The following WWOX variants were observed in gnomAD, a reference collection of about 807,000 sequenced individuals.
The protein encoded by WWOX is WW domain containing oxidoreductase, also known as WW domain-containing oxidoreductase.
WWOX carries 69 observed loss-of-function variants against 46.2 expected under a neutral mutation model. That is an observed-to-expected ratio of 1.49 (90% CI 1.23 to 1.82). WWOX has a LOEUF of 1.82. WWOX is among the 40% of genes most tolerant of loss of function. The pLI, the probability that WWOX is intolerant of heterozygous loss-of-function variation, is 0.00. For synonymous variants in WWOX, 359 were observed against 202.6 expected, an observed-to-expected ratio of 1.77 and a Z score of -6.56; for missense variants, 919 against 542.6, an observed-to-expected ratio of 1.69 and a Z score of -6.89.
chr16:78,644,483 CAG>C (rs1055221098), intron 8 of WWOX, among the ~76,000 whole-genome samples: 27 of 151,518 alleles, frequency 1.8e-4, no homozygotes, highest in Non-Finnish European at 3.8e-4. Context: ...CTTTTTGAGA[CAG>C]AGTTTTGCTC....
At chr16:78,852,770 A>G (rs1445016953) in intron 8 of WWOX, among the ~76,000 whole-genome samples, 1 of 152,232 alleles carries the variant, frequency 6.6e-6, no homozygotes, top group Non-Finnish European at 1.5e-5. Flanking sequence ...ATTAAAATGG[A>G]AGAAAATGTA....
Position 78,253,824 on chromosome 16 carries a change from G to C in WWOX, c.516+89535G>C, listed in dbSNP as rs1199965483. ...GATTAATTGTAGGAGCTATGTCCTGGTGACTTGGGAAAGAAAAATGTAAGG... is the reference window on the plus strand; with the variant it reads ...GATTAATTGTAGGAGCTATGTCCTGCTGACTTGGGAAAGAAAAATGTAAGG... On this transcript the variant is annotated intron_variant, in intron 5 of 8. Transcript: ENST00000566780. Among the ~76,000 whole-genome samples, 7 of 152,222 alleles carry C rather than the reference G, an allele frequency of 4.6e-5. No individual in the cohort carries two copies. The East Asian group carries it at 1.3e-3, about 29-fold the overall frequency.
At chr16:78,459,515 G>A (rs1223198288) in intron 8 of WWOX, among the ~76,000 whole-genome samples, 1 of 152,018 alleles carries the variant, frequency 6.6e-6, no homozygotes, top group African/African-American at 2.4e-5. Context: ...TTCTTGCTTT[G>A]CTTCATGTTT....
chr16:78,870,576 C>G (rs1259387404), intron 8 of WWOX, among the ~76,000 whole-genome samples: 6 of 151,734 alleles, frequency 4.0e-5, no homozygotes, highest in Non-Finnish European at 7.4e-5. Flanking sequence ...CCTTGTCTCT[C>G]TTCTCACCCC....
At chr16:78,563,758 A>C (rs1231294603) in intron 8 of WWOX, among the ~76,000 whole-genome samples, 1 of 152,090 alleles carries the variant, frequency 6.6e-6, no homozygotes, top group East Asian at 1.9e-4. Context: ...AGATACCAAT[A>C]ATTAATATCT....
intron 8 of WWOX, among the ~76,000 whole-genome samples, chr16:78,889,429 A>G (rs925193778): frequency 7.0e-6 from 1 of 142,784 alleles, no homozygotes; most frequent in African/African-American, 2.6e-5. Context: ...TCTGCAATGA[A>G]ACGCGAGCCG....
At chr16:78,256,313 C>G (rs1282419739) in intron 5 of WWOX, among the ~76,000 whole-genome samples, 6 of 152,024 alleles carry the variant, frequency 3.9e-5, no homozygotes, top group Admixed American at 3.3e-4. Flanking sequence ...ATTGTCACCC[C>G]CTGTCAGCCC....
chr16:78,423,365 T>G (rs1045806446), intron 6 of WWOX, among the ~76,000 whole-genome samples: 1 of 152,224 alleles, frequency 6.6e-6, no homozygotes, highest in African/African-American at 2.4e-5. Flanking sequence ...TATGGATATA[T>G]TCTAAATGTA....
chr16:78,233,071 A>G (rs746594323), intron 5 of WWOX, among the ~76,000 whole-genome samples: 1 of 152,180 alleles, frequency 6.6e-6, no homozygotes, highest in African/African-American at 2.4e-5. Context: ...AAGTCTGTAG[A>G]AGGAAGGCCA....
chr16:78,781,221 G>T (rs956090544), intron 8 of WWOX, among the ~76,000 whole-genome samples: 2 of 152,170 alleles, frequency 1.3e-5, no homozygotes, highest in Admixed American at 6.5e-5. Context: ...GCCTATGTGG[G>T]TGGGAATTCT....
rs191029309 is a variant in WWOX at position 78,424,987 on chromosome 16, G to T, written c.723G>T (p.Gln241His). The T allele has an allele frequency of 6.2e-7, 1 of 1,614,122 alleles. No individual in the cohort carries two copies. The highest frequency in any genetic ancestry group is 1.3e-5 in the African/African-American group (1 of 75,034). Residue 241 changes from glutamine to histidine, a missense_variant, in exon 7 of 9, where the codon CAG becomes CAT. Transcript: ENST00000566780. ...VNHLGHFYLV[Q>H]LLQDVLCRSA... is the part of the protein sequence containing the mutation. ...ATCTGGGGCACTTCTACCTTGTCCAGCTCCTCCAGGATGTTTTGTGCCGCT... is the reference window on the plus strand; with the variant it reads ...ATCTGGGGCACTTCTACCTTGTCCATCTCCTCCAGGATGTTTTGTGCCGCT...
At chr16:78,536,153 G>C (rs2043754108) in intron 8 of WWOX, among the ~76,000 whole-genome samples, 1 of 152,040 alleles carries the variant, frequency 6.6e-6, no homozygotes, top group Admixed American at 6.6e-5. Flanking sequence ...TAAGATACAG[G>C]CACCACAACA....
chr16:78,709,367 C>T (rs932432947), intron 8 of WWOX, among the ~76,000 whole-genome samples: 2 of 152,318 alleles, frequency 1.3e-5, no homozygotes, highest in East Asian at 3.9e-4. Flanking sequence ...GAAGGAAAGC[C>T]CGCGATTCTC....
chr16:78,490,586 A>C (rs2084758032), intron 8 of WWOX, among the ~76,000 whole-genome samples: 1 of 152,196 alleles, frequency 6.6e-6, no homozygotes, highest in South Asian at 2.1e-4. Context: ...AAGACAGGGC[A>C]TTTTGATGTG....
chr16:78,999,118 A>T (rs1294572449), intron 8 of WWOX, among the ~76,000 whole-genome samples: 1 of 151,464 alleles, frequency 6.6e-6, no homozygotes, highest in East Asian at 1.9e-4. Flanking sequence ...CAGCTCAAGA[A>T]CCCAGCGCCA....
rs199726097 is a variant in WWOX at position 78,547,127 on chromosome 16, G to GAAAAAAAAAA, written c.1056+114398_1056+114407dup. Among the ~76,000 whole-genome samples, 121 of 87,434 alleles carry GAAAAAAAAAA rather than the reference G, an allele frequency of 1.4e-3. 5 individuals are homozygous for GAAAAAAAAAA. Among genetic ancestry groups the GAAAAAAAAAA allele is most frequent in the African/African-American group, 3.1e-3 (45 of 14,646 alleles). 57.4% of individuals were successfully genotyped at this position (87,434 alleles called of 152,430 possible). ...TGGGAGAGTGTGAGACCTTGTCTCA[G>GAAAAAAAAAA]AAAAAAAAAAAAAAAAAAAAAAAAA... On this transcript the variant is annotated intron_variant, in intron 8 of 8. Coordinates refer to ENST00000566780, the MANE Select transcript of WWOX (RefSeq NM_016373.4).
chr16:78,269,211 A>G (rs2079426091), intron 5 of WWOX: 1 of 152,226 alleles, frequency 6.6e-6, no homozygotes, highest in Non-Finnish European at 1.5e-5. Context: ...CTTGATTTTG[A>G]TTAAGAATCT....
chr16:78,494,749 C>T (rs773332418), intron 8 of WWOX, among the ~76,000 whole-genome samples: 2 of 152,084 alleles, frequency 1.3e-5, no homozygotes, highest in South Asian at 4.2e-4. Context: ...GCACATTGAG[C>T]GTTTTGTCAA....
In WWOX at chr16:78,291,159, A is replaced by G. The variant is rs148428938; in HGVS notation, c.517-95701A>G. 6.7e-4 allele frequency among the ~76,000 whole-genome samples: 102 copies of G among 152,316 alleles called. No homozygotes were observed. The East Asian group carries it at 0.019, about 29-fold the overall frequency. ...TAATCTGATTTCATCAAGTAAATAT[A>G]TGGGAAGTTGAGATGACATATTTTT... On this transcript the variant is annotated intron_variant, in intron 5 of 8. Transcript: ENST00000566780.
Sources: allele counts gnomAD v4.1 joint callset (sites outside exome capture counted in the v4.1 genomes callset), GRCh38; gene constraint gnomAD v4.1.1; transcripts MANE v1.5; gene names NCBI Gene and HGNC (gene_info 2026-07-23, HGNC 2026-07-21).